The following DNAH14 variants were observed in gnomAD, a reference collection of about 807,000 sequenced individuals.
The protein encoded by DNAH14 is axonemal beta dynein heavy chain 14.
In DNAH14, 478 loss-of-function variants were observed where a neutral mutation model predicts 520.9. The observed-to-expected ratio is 0.92, with a 90% confidence interval of 0.85 to 0.99. DNAH14 has a LOEUF of 0.99. Ranked by LOEUF, DNAH14 falls within the 50% of genes least tolerant of loss-of-function variation. The probability of loss-of-function intolerance (pLI) is 0.00; values close to 1 mark genes in which losing one functional copy is unlikely to be tolerated. For synonymous variants in DNAH14, 1,581 were observed against 1,757.2 expected, an observed-to-expected ratio of 0.90 and a Z score of 2.51; for missense variants, 4,831 against 5,234.5, an observed-to-expected ratio of 0.92 and a Z score of 2.38.
chr1:225,051,566 TATC>T lies in DNAH14; in HGVS notation c.2199_2201del (p.Ser734del). ...AAGGCCAAAATCATGAGTATGAAAATATCATCTATGGGAGAATTAACTTCAAAA... is the reference window on the plus strand; with the variant it reads ...AAGGCCAAAATCATGAGTATGAAAATATCTATGGGAGAATTAACTTCAAAA... On this transcript the variant is annotated inframe_deletion, in exon 17 of 86. Transcript: ENST00000682510. The T allele has an allele frequency of 6.4e-7, 1 of 1,550,960 alleles. No homozygotes were observed. Among genetic ancestry groups the T allele is most frequent in the Non-Finnish European group, 8.7e-7 (1 of 1,146,558 alleles).
At chr1:224,994,346 T>G (rs2449290) in intron 8 of DNAH14, among the ~76,000 whole-genome samples, 13,990 of 152,056 alleles carry the variant, frequency 0.092, 2,085 homozygotes, top group African/African-American at 0.31. Context: ...GCTTGATATA[T>G]TTAAGGTCTC....
chr1:225,041,172 T>G (rs969506243), intron 12 of DNAH14, among the ~76,000 whole-genome samples: 1 of 152,216 alleles, frequency 6.6e-6, no homozygotes, highest in African/African-American at 2.4e-5. Flanking sequence ...TTTGGGCATC[T>G]TGCCCCTGCT....
chr1:225,060,565 G>A (rs902745307), intron 17 of DNAH14, among the ~76,000 whole-genome samples: 9 of 152,018 alleles, frequency 5.9e-5, no homozygotes, highest in Admixed American at 2.6e-4. Flanking sequence ...GAGGAGCTGT[G>A]TTCCTTTGGA....
intron 22 of DNAH14, among the ~76,000 whole-genome samples, chr1:225,099,305 C>T (rs563032887): frequency 6.6e-6 from 1 of 152,016 alleles, no homozygotes; most frequent in Non-Finnish European, 1.5e-5. Context: ...GCGCTTGCCT[C>T]TTCTCTGGAG....
chr1:225,380,117 T>G, intron 79 of DNAH14, 42 bp from the exon 80 acceptor site: 2 of 1,527,158 alleles, frequency 1.3e-6, no homozygotes, highest in Non-Finnish European at 1.8e-6. Flanking sequence ...ATCTCCCCAC[T>G]TCCTGTTCTG....
chr1:225,325,288 C>T (rs976772030), intron 64 of DNAH14, among the ~76,000 whole-genome samples: 2 of 151,804 alleles, frequency 1.3e-5, no homozygotes, highest in Admixed American at 1.3e-4. Flanking sequence ...AGTTCGAAAC[C>T]AGCCTGGCCA....
chr1:225,290,647 G>GTGTATATA (rs1419920384), intron 55 of DNAH14, among the ~76,000 whole-genome samples: 2 of 57,578 alleles, frequency 3.5e-5, no homozygotes, highest in Non-Finnish European at 6.3e-5. Context: ...GTGTGTGTGT[G>GTGTATATA]TATATATATA....
chr1:224,974,969 A>T (rs1399637647), intron 8 of DNAH14, among the ~76,000 whole-genome samples: 1 of 152,030 alleles, frequency 6.6e-6, no homozygotes, highest in Non-Finnish European at 1.5e-5. Context: ...CCTTTTCTGC[A>T]TCTATTGAGA....
intron 17 of DNAH14, among the ~76,000 whole-genome samples, chr1:225,073,890 C>T (rs1572875932): frequency 6.6e-6 from 1 of 151,602 alleles, no homozygotes; most frequent in East Asian, 1.9e-4. Context: ...ACCATGTTGG[C>T]CAAAATGTTC....
At chr1:225,025,287 A>G (rs1030161493) in intron 11 of DNAH14, among the ~76,000 whole-genome samples, 1 of 151,250 alleles carries the variant, frequency 6.6e-6, no homozygotes, top group Non-Finnish European at 1.5e-5. Context: ...AGCTGTGATC[A>G]TGCCACTCCA....
At chr1:224,952,550 C>G (rs1440421999) in intron 1 of DNAH14, 120 bp from the exon 2 acceptor site, 1 of 480,886 alleles carries the variant, frequency 2.1e-6, no homozygotes, top group South Asian at 4.4e-5. Context: ...CAAAGGCAGT[C>G]AGGATATTAT....
chr1:225,172,898 T>C (rs1481037217), intron 36 of DNAH14, among the ~76,000 whole-genome samples: 1 of 152,196 alleles, frequency 6.6e-6, no homozygotes, highest in Non-Finnish European at 1.5e-5. Context: ...ATGGTACTGG[T>C]ACCAAAACCA....
intron 8 of DNAH14, among the ~76,000 whole-genome samples, chr1:224,980,473 T>C (rs964541945): frequency 2.0e-5 from 3 of 151,988 alleles, no homozygotes; most frequent in Non-Finnish European, 4.4e-5. Flanking sequence ...TAGTATAGAG[T>C]GTCACATCAA....
chr1:225,353,650 A>G (rs1219013705), intron 72 of DNAH14, among the ~76,000 whole-genome samples, 153 bp from the exon 73 acceptor site: 1 of 152,104 alleles, frequency 6.6e-6, no homozygotes, highest in Non-Finnish European at 1.5e-5. Context: ...GATGCCTCAA[A>G]GCTTATAGAA....
intron 17 of DNAH14, among the ~76,000 whole-genome samples, chr1:225,069,915 T>C (rs1236701586): frequency 2.6e-5 from 4 of 152,206 alleles, no homozygotes; most frequent in Non-Finnish European, 5.9e-5. Context: ...GGATTCAATT[T>C]CTTCCTGGTT....
At chr1:225,101,226 A>T (rs1302039418) in intron 23 of DNAH14, among the ~76,000 whole-genome samples, 1 of 151,182 alleles carries the variant, frequency 6.6e-6, no homozygotes, top group African/African-American at 2.4e-5. Context: ...TTAGTTTTTA[A>T]TTTTTGTAGA....
chr1:225,193,969 A>G (rs1299236466), intron 38 of DNAH14, among the ~76,000 whole-genome samples: 1 of 152,084 alleles, frequency 6.6e-6, no homozygotes, highest in Non-Finnish European at 1.5e-5. Flanking sequence ...AAAGTAAAAT[A>G]CCCAGGAATA....
chr1:224,964,759 ACAT>A, intron 5 of DNAH14, 150 bp downstream of exon 5: 1 of 737,844 alleles, frequency 1.4e-6, no homozygotes, highest in Non-Finnish European at 2.0e-6. Flanking sequence ...AAAGTATTTG[ACAT>A]CATTTCATTT....
chr1:224,942,513 T>C (rs974171461), intron 1 of DNAH14, among the ~76,000 whole-genome samples: 3 of 152,160 alleles, frequency 2.0e-5, no homozygotes, highest in Non-Finnish European at 4.4e-5. Context: ...TTCTGCCTGA[T>C]TGCCCTGGCC....
Sources: allele counts gnomAD v4.1 joint callset (sites outside exome capture counted in the v4.1 genomes callset), GRCh38; gene constraint gnomAD v4.1.1; transcripts MANE v1.5; gene names NCBI Gene and HGNC (gene_info 2026-07-23, HGNC 2026-07-21).